The following MYT1L variants were observed in gnomAD, a reference collection of about 807,000 sequenced individuals.
MYT1L encodes the protein myelin transcription factor 1-like protein.
Under a neutral mutation model 126.7 loss-of-function variants are expected in MYT1L, and 12 were observed. That is an observed-to-expected ratio of 0.09 (90% CI 0.06 to 0.15). MYT1L has a LOEUF of 0.15. Ranked by LOEUF, MYT1L falls within the 10% of genes least tolerant of loss-of-function variation. The pLI is 1.00. For synonymous variants in MYT1L, 541 were observed against 604.2 expected, an observed-to-expected ratio of 0.90 and a Z score of 1.53; for missense variants, 979 against 1,585.2, an observed-to-expected ratio of 0.62 and a Z score of 6.49.
chr2:1,814,298 G>C (rs866807006), intron 21 of MYT1L, among the ~76,000 whole-genome samples: 1 of 152,156 alleles, frequency 6.6e-6, no homozygotes, highest in African/African-American at 2.4e-5. Context: ...AGCAGGGCCC[G>C]GCCTGCACCA....
intron 2 of MYT1L, among the ~76,000 whole-genome samples, chr2:2,225,631 C>G (rs1212760414): frequency 6.6e-6 from 1 of 152,174 alleles, no homozygotes; most frequent in Non-Finnish European, 1.5e-5. Flanking sequence ...ACCAGCCTCT[C>G]CAGCAGGCAA....
In MYT1L at chr2:1,822,906, G is replaced by A. The variant is rs77202593; in HGVS notation, c.3081-13739C>T. Among the ~76,000 whole-genome samples, 656 of 152,248 alleles carry A rather than the reference G, an allele frequency of 4.3e-3. 6 individuals are homozygous for A. The highest frequency in any genetic ancestry group is 6.6e-3 in the Non-Finnish European group (451 of 68,014). On this transcript the variant is annotated intron_variant, in intron 21 of 24. Transcript: ENST00000647738. Reference sequence around the variant, plus strand: ...AGGACTGAGTGTAATCCTAGCAGAAGGGAAATGTTTAGTTTTGTTTCTCCT... The same window carrying A: ...AGGACTGAGTGTAATCCTAGCAGAAAGGAAATGTTTAGTTTTGTTTCTCCT...
chr2:2,004,696 TTCCTGTGTGC>T (rs2062972693), intron 4 of MYT1L, among the ~76,000 whole-genome samples: 6 of 125,424 alleles, frequency 4.8e-5, no homozygotes, highest in South Asian at 5.8e-4. Flanking sequence ...CGTGCATTCT[TTCCTGTGTGC>T]CTTTCCTGCG....
Position 1,979,874 on chromosome 2 carries a change from C to G in MYT1L, c.1-97G>C. 1 of 1,256,904 alleles carries G rather than the reference C, an allele frequency of 8.0e-7. No individual in the cohort carries two copies. Among genetic ancestry groups the G allele is most frequent in the Non-Finnish European group, 1.1e-6 (1 of 873,878 alleles). 77.9% of individuals were successfully genotyped at this position (1,256,904 alleles called of 1,614,324 possible). A position where few individuals can be genotyped will look rare whatever the true frequency, so the allele number is the denominator to read the frequency against. On this transcript the variant is annotated intron_variant, in intron 5 of 24. Coordinates refer to ENST00000647738, the MANE Select transcript of MYT1L (RefSeq NM_001303052.2). This position sits in a 1 kb window ranked among gnomAD's most constrained non-coding sequence, Gnocchi z 4.0. Reference sequence around the variant, plus strand: ...TCTCCCTGGCATTCTATTAATGGGGCTTTAATCCTGTTTCCCTCCATGAAG... The same window carrying G: ...TCTCCCTGGCATTCTATTAATGGGGGTTTAATCCTGTTTCCCTCCATGAAG...
chr2:1,836,481 C>G (rs66868130), intron 21 of MYT1L, among the ~76,000 whole-genome samples: 2 of 150,506 alleles, frequency 1.3e-5, no homozygotes, highest in Non-Finnish European at 3.0e-5. Context: ...ATTCGACCAG[C>G]CTGCACCCCA....
At chr2:2,042,157 G>A (rs1211787822) in intron 4 of MYT1L, among the ~76,000 whole-genome samples, 3 of 152,208 alleles carry the variant, frequency 2.0e-5, no homozygotes, top group African/African-American at 7.2e-5. Context: ...AACCCCAGAT[G>A]CTCTAAGATG....
Position 1,929,778 on chromosome 2 carries a change from T to C in MYT1L, c.506-6515A>G, listed in dbSNP as rs532968193. Among the ~76,000 whole-genome samples, 1 of 152,336 alleles carries C rather than the reference T, an allele frequency of 6.6e-6. No homozygotes were observed. Among genetic ancestry groups the C allele is most frequent in the Non-Finnish European group, 1.5e-5 (1 of 68,032 alleles). On this transcript the variant is annotated intron_variant, in intron 9 of 24. Coordinates refer to ENST00000647738, the MANE Select transcript of MYT1L (RefSeq NM_001303052.2). This position sits in a 1 kb window ranked among gnomAD's most constrained non-coding sequence, Gnocchi z 4.7. ...AATTATTGAGATCATGCCTTCAAAATTTAATATGTGAAGAAACTTAGGTCC... is the reference window on the plus strand; with the variant it reads ...AATTATTGAGATCATGCCTTCAAAACTTAATATGTGAAGAAACTTAGGTCC...
At chr2:2,192,191 T>C (rs1156414679) in intron 2 of MYT1L, among the ~76,000 whole-genome samples, 1 of 152,216 alleles carries the variant, frequency 6.6e-6, no homozygotes, top group Admixed American at 6.5e-5. Context: ...TGAATCATCT[T>C]ATACACTGTA....
chr2:2,019,259 T>A (rs1333705709), intron 4 of MYT1L, among the ~76,000 whole-genome samples: 4 of 152,098 alleles, frequency 2.6e-5, no homozygotes, highest in South Asian at 2.1e-4. Context: ...TCTGATAAGA[T>A]TTGATGGTTT....
chr2:1,889,788 A>G lies in MYT1L; in HGVS notation c.2284-311T>C, dbSNP rs2048619194. ...TCTCTCTCTCCTTCCTTTTTGTCCT[A>G]TTGTATCTCTGATTTAGAGTTTGTT... On this transcript the variant is annotated intron_variant, in intron 15 of 24. Transcript: ENST00000647738. This position sits in a 1 kb window ranked among gnomAD's most constrained non-coding sequence, Gnocchi z 4.1. Among the ~76,000 whole-genome samples, 2 of 151,872 alleles carry G rather than the reference A, an allele frequency of 1.3e-5. No homozygotes were observed. Among genetic ancestry groups the G allele is most frequent in the Admixed American group, 6.6e-5 (1 of 15,240 alleles).
rs1342407038 is a variant in MYT1L at position 1,811,895 on chromosome 2, T to G, written c.3081-2728A>C. Among the ~76,000 whole-genome samples the G allele has an allele frequency of 6.6e-6, 1 of 152,168 alleles. No individual in the cohort carries two copies. The highest frequency in any genetic ancestry group is 1.5e-5 in the Non-Finnish European group (1 of 68,030). On this transcript the variant is annotated intron_variant, in intron 21 of 24. Transcript: ENST00000647738. The surrounding 1 kb of genome is among the most constrained non-coding windows in gnomAD (Gnocchi z 4.4). ...CAGCAGGACGCCCTGCAAATCCGGC[T>G]GGGGTGGGGGCTGACACTTCTGCTT...
chr2:1,852,416 T>C lies in MYT1L; in HGVS notation c.2712-713A>G, dbSNP rs1297204922. On this transcript the variant is annotated intron_variant, in intron 18 of 24. Coordinates refer to ENST00000647738, the MANE Select transcript of MYT1L (RefSeq NM_001303052.2). This position sits in a 1 kb window ranked among gnomAD's most constrained non-coding sequence, Gnocchi z 4.0. ...TTCATGGGGACATACACTCATCTGC[T>C]GAAGCCTACCGAGGCAACCCCATCC... Among the ~76,000 whole-genome samples, 1 of 152,220 alleles carries C rather than the reference T, an allele frequency of 6.6e-6. No individual in the cohort carries two copies. The highest frequency in any genetic ancestry group is 1.5e-5 in the Non-Finnish European group (1 of 68,040).
intron 13 of MYT1L, among the ~76,000 whole-genome samples, chr2:1,909,781 G>A (rs1242375213): frequency 6.6e-6 from 1 of 152,104 alleles, no homozygotes; most frequent in Non-Finnish European, 1.5e-5. Context: ...GAGCTCTGCC[G>A]GTTTTGCACG....
chr2:1,845,916 A>T (rs2042434396), intron 19 of MYT1L, among the ~76,000 whole-genome samples: 1 of 152,132 alleles, frequency 6.6e-6, no homozygotes. Flanking sequence ...CCTTCTCTGC[A>T]TGACCTCCTA....
chr2:1,827,587 A>C (rs978362763), intron 21 of MYT1L: 5 of 152,170 alleles, frequency 3.3e-5, no homozygotes, highest in Non-Finnish European at 7.3e-5. Flanking sequence ...GGCTCTGTCT[A>C]CGGCAGGGAT....
At chr2:1,900,112 C>A (rs1018023680) in intron 14 of MYT1L, among the ~76,000 whole-genome samples, 4 of 152,184 alleles carry the variant, frequency 2.6e-5, no homozygotes, top group South Asian at 2.1e-4. Flanking sequence ...TTTTTAGGAA[C>A]AATGACTCAA....
intron 2 of MYT1L, among the ~76,000 whole-genome samples, chr2:2,190,912 A>G (rs148159780): frequency 0.027 from 4,090 of 152,274 alleles, 84 homozygotes; most frequent in Non-Finnish European, 0.042. Flanking sequence ...CAGCCTCCCA[A>G]GTAGGTGGGA....
intron 8 of MYT1L, among the ~76,000 whole-genome samples, chr2:1,969,923 T>C (rs777425170): frequency 5.3e-5 from 8 of 152,164 alleles, no homozygotes; most frequent in Non-Finnish European, 1.2e-4. Flanking sequence ...TCAGGCCAGT[T>C]TGAGGTGGGT....
At chr2:2,283,899 G>A (rs930754106) in intron 2 of MYT1L, among the ~76,000 whole-genome samples, 2 of 152,126 alleles carry the variant, frequency 1.3e-5, no homozygotes, top group South Asian at 2.1e-4. Flanking sequence ...GTTTCCTCAT[G>A]TCTAAAAGGG....
Sources: allele counts gnomAD v4.1 joint callset (sites outside exome capture counted in the v4.1 genomes callset), GRCh38; gene constraint gnomAD v4.1.1; non-coding constraint Gnocchi (gnomAD v3.1); transcripts MANE v1.5; gene names NCBI Gene and HGNC (gene_info 2026-07-23, HGNC 2026-07-21).